The following OLA1 variants were observed in gnomAD, a reference collection of about 807,000 sequenced individuals.
The protein encoded by OLA1 is obg-like ATPase 1.
In OLA1, 14 loss-of-function variants were observed where a neutral mutation model predicts 48.4. The observed-to-expected ratio is 0.29, with a 90% CI of 0.19 to 0.45. The LOEUF is 0.45. OLA1 is among the 20% of genes least tolerant of loss of function. The pLI is 1.00. For synonymous variants in OLA1, 127 were observed against 150.4 expected (o/e 0.84, Z 1.14); for missense variants, 325 against 467.1 (o/e 0.70, Z 2.80).
chr2:174,112,584 G>T (rs1442153220), intron 7 of OLA1, among the ~76,000 whole-genome samples: 1 of 152,184 alleles, frequency 6.6e-6, no homozygotes, highest in Non-Finnish European at 1.5e-5. Context: ...TTAAGAGGTG[G>T]CTAGGTCATG....
At chr2:174,144,951 A>AAAAAAAATATATAT (rs1181030817) in intron 4 of OLA1, among the ~76,000 whole-genome samples, 16 of 40,290 alleles carry the variant, frequency 4.0e-4, no homozygotes, top group African/African-American at 9.3e-4. Flanking sequence ...AAAAAAAAAA[A>AAAAAAAATATATAT]ATATATATAT....
At chr2:174,199,124 T>C (rs1263554133) in intron 4 of OLA1, among the ~76,000 whole-genome samples, 1 of 152,208 alleles carries the variant, frequency 6.6e-6, no homozygotes, top group Admixed American at 6.5e-5. Context: ...CATACCAAAA[T>C]AATGGTTGTT....
At chr2:174,080,355 G>C (rs1684830830) in intron 9 of OLA1, among the ~76,000 whole-genome samples, 1 of 151,966 alleles carries the variant, frequency 6.6e-6, no homozygotes, top group Non-Finnish European at 1.5e-5. Flanking sequence ...GACTGAATAA[G>C]ACACTATTTC....
chr2:174,189,863 C>CAA (rs754785994), intron 4 of OLA1, among the ~76,000 whole-genome samples: 4 of 55,084 alleles, frequency 7.3e-5, no homozygotes, highest in Non-Finnish European at 6.8e-5. Flanking sequence ...ATAATCAGAG[C>CAA]AAAAAAAAAA....
intron 4 of OLA1, among the ~76,000 whole-genome samples, chr2:174,169,019 C>T (rs767809035): frequency 6.6e-5 from 10 of 151,832 alleles, no homozygotes; most frequent in South Asian, 4.2e-4. Context: ...AGTGCAATGG[C>T]GCAATCTCAG....
intron 7 of OLA1, among the ~76,000 whole-genome samples, chr2:174,087,831 T>A (rs1276993071): frequency 6.6e-6 from 1 of 152,194 alleles, no homozygotes; most frequent in Non-Finnish European, 1.5e-5. Flanking sequence ...CCTTTAAAGA[T>A]GGGTCAATCC....
Position 174,073,202 on chromosome 2 carries a change from T to C in OLA1, c.*2224A>G, listed in dbSNP as rs752943197. The C allele has an allele frequency of 3.9e-5, 6 of 152,180 alleles. No homozygotes were observed. Among genetic ancestry groups the C allele is most frequent in the Non-Finnish European group, 5.9e-5 (4 of 68,054 alleles). 9.4% of individuals were successfully genotyped at this position (152,180 alleles called of 1,614,324 possible). On this transcript the variant is annotated 3_prime_UTR_variant, in exon 11 of 11. Coordinates refer to ENST00000284719, the MANE Select transcript of OLA1 (RefSeq NM_013341.5). The stretch of plus-strand genomic sequence containing the variant: ...TTTATGTAGAGATGATGTTTCATGA[T>C]GTTGCACAGGCTGGTCTCAAACTCC...
chr2:174,135,303 G>A (rs1686284630), intron 5 of OLA1, among the ~76,000 whole-genome samples: 2 of 152,098 alleles, frequency 1.3e-5, no homozygotes, highest in East Asian at 1.9e-4. Context: ...GGTAAGCCAG[G>A]CAAACCCAAA....
chr2:174,208,437 T>C (rs1410862595), intron 4 of OLA1, among the ~76,000 whole-genome samples: 1 of 152,208 alleles, frequency 6.6e-6, no homozygotes, highest in Non-Finnish European at 1.5e-5. Context: ...TAATCAGCTA[T>C]ACAACATACC....
intron 7 of OLA1, among the ~76,000 whole-genome samples, chr2:174,105,702 T>C (rs1685499065): frequency 6.6e-6 from 1 of 152,046 alleles, no homozygotes; most frequent in Non-Finnish European, 1.5e-5. Flanking sequence ...TAAGTTTACT[T>C]TTCTCACTGG....
At chr2:174,129,088 A>T (rs945007267) in intron 5 of OLA1, among the ~76,000 whole-genome samples, 2 of 152,168 alleles carry the variant, frequency 1.3e-5, no homozygotes, top group Non-Finnish European at 2.9e-5. Context: ...AAATATGGTG[A>T]TTGTGAAAAT....
At chr2:174,096,406 A>C (rs1685255754) in intron 7 of OLA1, among the ~76,000 whole-genome samples, 1 of 152,214 alleles carries the variant, frequency 6.6e-6, no homozygotes, top group Non-Finnish European at 1.5e-5. Context: ...TTTAAAAGGG[A>C]GAATTTTGTG....
At chr2:174,107,751 T>C (rs1192028398) in intron 7 of OLA1, among the ~76,000 whole-genome samples, 1 of 152,120 alleles carries the variant, frequency 6.6e-6, no homozygotes, top group Non-Finnish European at 1.5e-5. Flanking sequence ...CATCAGCTGA[T>C]AGAATATACT....
intron 7 of OLA1, among the ~76,000 whole-genome samples, chr2:174,095,208 C>T (rs1553478249): frequency 6.6e-6 from 1 of 151,812 alleles, no homozygotes; most frequent in Non-Finnish European, 1.5e-5. Flanking sequence ...CTATGCTTAG[C>T]TTTTTGAGGA....
intron 4 of OLA1, among the ~76,000 whole-genome samples, chr2:174,154,096 G>T (rs561217479): frequency 6.6e-6 from 1 of 152,168 alleles, no homozygotes; most frequent in Non-Finnish European, 1.5e-5. Flanking sequence ...ATCTTGAACT[G>T]CTGGGTGGAA....
intron 10 of OLA1, 97 bp from the exon 11 acceptor site, chr2:174,075,624 G>T: frequency 1.4e-6 from 1 of 708,806 alleles, no homozygotes; most frequent in Non-Finnish European, 2.4e-6. Flanking sequence ...TATACTACTT[G>T]GGTGATATAA....
At chr2:174,213,218 A>C (rs1688283571) in intron 4 of OLA1, among the ~76,000 whole-genome samples, 1 of 152,174 alleles carries the variant, frequency 6.6e-6, no homozygotes, top group Admixed American at 6.5e-5. Flanking sequence ...CCCTCCTACT[A>C]TACGTTTCTA....
At chr2:174,219,041 A>G (rs954491115) in intron 4 of OLA1, among the ~76,000 whole-genome samples, 20 of 144,282 alleles carry the variant, frequency 1.4e-4, no homozygotes, top group Non-Finnish European at 2.1e-4. Context: ...TCCCGGGCCA[A>G]TCTTGAACTC....
At chr2:174,093,789 T>C (rs1285516992) in intron 7 of OLA1, among the ~76,000 whole-genome samples, 1 of 152,224 alleles carries the variant, frequency 6.6e-6, no homozygotes, top group East Asian at 1.9e-4. Context: ...TATGTTCCTA[T>C]ATACAAGATA....
Sources: allele counts gnomAD v4.1 joint callset (sites outside exome capture counted in the v4.1 genomes callset), GRCh38; gene constraint gnomAD v4.1.1; transcripts MANE v1.5; gene names NCBI Gene and HGNC (gene_info 2026-07-23, HGNC 2026-07-21).